CYP2A7: variants seen among roughly 807,000 people sequenced by gnomAD.
CYP2A7 encodes the protein cytochrome P450 2A7.
In CYP2A7, 36 loss-of-function variants were observed where a neutral mutation model predicts 42.0. That is an observed-to-expected ratio of 0.86 (90% CI 0.66 to 1.13). The LOEUF (loss-of-function observed/expected upper bound fraction) is 1.13, where lower values mean the gene tolerates loss of function less well. CYP2A7 is among the 50% of genes most tolerant of loss of function. The pLI is 0.00. For synonymous variants in CYP2A7, 260 were observed against 249.5 expected, an observed-to-expected ratio of 1.04 and a Z score of -0.40; for missense variants, 661 against 634.1, an observed-to-expected ratio of 1.04 and a Z score of -0.46.
In CYP2A7 at chr19:40,880,132, C is replaced by T. The variant is rs757240350; in HGVS notation, c.606G>A (p.Leu202=). Residue 202 remains leucine (L), a synonymous_variant, in exon 4 of 9, where the codon CTG becomes CTA. Coordinates refer to ENST00000301146, the MANE Select transcript of CYP2A7 (RefSeq NM_000764.3). ...ACTGGAAGATTCCTAGCATCATGCT[C>T]AGCAGTGACAGGAACTCTTTGTCCT... ...DYEDKEFLSL[L]SMMLGIFQFT... is the part of the protein sequence containing the mutation. 14 of 1,613,020 alleles carry T rather than the reference C, an allele frequency of 8.7e-6. No individual in the cohort carries two copies. The highest frequency in any genetic ancestry group is 3.3e-5 in the South Asian group (3 of 91,034).
At chr19:40,880,794 CGAGGGAGA>C (rs1967651590) in intron 2 of CYP2A7, among the ~76,000 whole-genome samples, 166 bp from the exon 3 acceptor site, 2 of 21,782 alleles carry the variant, frequency 9.2e-5, no homozygotes, top group African/African-American at 3.9e-4. Flanking sequence ...CAGAGAAACA[CGAGGGAGA>C]GAGAGAGAGA....
chr19:40,882,015 T>C lies in CYP2A7; in HGVS notation c.180+16A>G, dbSNP rs539556508. On this transcript the variant is annotated intron_variant, in intron 1 of 8. Transcript: ENST00000301146. ...AGCCCCCACCCTGTGCCACCCATCT[T>C]CCTGCCTTGGGACACCTTCATGATG... 1.1e-4 allele frequency: 178 copies of C among 1,607,582 alleles called. 1 individual carries two copies. The Admixed American group carries it at 2.7e-3, about 24-fold the overall frequency.
chr19:40,880,452 C>A, intron 3 of CYP2A7, 27 bp downstream of exon 3: 1 of 1,606,310 alleles, frequency 6.2e-7, no homozygotes, highest in South Asian at 1.1e-5. Flanking sequence ...CCTTCTCCTG[C>A]CCCCGCACTC....
chr19:40,878,981 G>C (rs774776666), intron 4 of CYP2A7, 45 bp from the exon 5 acceptor site: 1 of 1,573,626 alleles, frequency 6.4e-7, no homozygotes, highest in East Asian at 2.2e-5. Context: ...CAGCTGTCAC[G>C]GGGCAGGAGC....
rs371905883 is a variant in CYP2A7 at position 40,881,657 on chromosome 19, A to T, written c.275T>A (p.Val92Glu). 6.2e-7 allele frequency: 1 copy of T among 1,613,166 alleles called. No homozygotes were observed. The highest frequency in any genetic ancestry group is 8.5e-7 in the Non-Finnish European group (1 of 1,179,756). The change falls in exon 2 of 9, where the codon GTG (valine) becomes GAG (glutamate). Residue 92 changes from valine (V) to glutamate (E), a missense_variant. This residue lies in a region of CYP2A7 where 614 missense variants were observed against 552.4 expected (regional missense o/e 1.11). Coordinates refer to ENST00000301146, the MANE Select transcript of CYP2A7 (RefSeq NM_000764.3). ...CGHDAVREAL[V>E]DQAEEFSGRG... ...CCCGCTGAACTCCTCAGCCTGGTCC[A>T]CCAGAGCCTCCCTGACGGCATCATG...
chr19:40,876,452 G>A lies in CYP2A7; in HGVS notation c.1303+75C>T, dbSNP rs527352069. 5.8e-5 allele frequency: 93 copies of A among 1,605,514 alleles called. 1 individual carries two copies. The East Asian group carries it at 1.3e-3, about 23-fold the overall frequency. On this transcript the variant is annotated intron_variant, in intron 8 of 8. Transcript: ENST00000301146. ...AGCTGGAGAAATACCAGGCTACACC[G>A]CAGAGAGGGGAGGTGGGTGAGGGAG...
rs377764547 is a variant in CYP2A7, at chr19:40,880,645, G to C, written c.344-17C>G. 7 of 1,586,402 alleles carry C rather than the reference G, an allele frequency of 4.4e-6. No homozygotes were observed. In the South Asian group the frequency reaches 4.5e-5, roughly 10 times the overall value. ...ACGCCACGCCTGGGGAGGTCAAGGC[G>C]GGGGTGGAGAGAGGTCAGGGGGCGG... On this transcript the variant is annotated splice_polypyrimidine_tract_variant and intron_variant, in intron 2 of 8. Transcript: ENST00000301146.
chr19:40,876,455 G>C (rs2145144631), intron 8 of CYP2A7, 72 bp downstream of exon 8: 1 of 1,607,626 alleles, frequency 6.2e-7, no homozygotes, highest in East Asian at 2.2e-5. Context: ...CTACACCGCA[G>C]AGAGGGGAGG....
rs550188456 is a variant in CYP2A7, at chr19:40,878,586, C to T, written c.831+174G>A. Among the ~76,000 whole-genome samples, 172 of 151,882 alleles carry T rather than the reference C, an allele frequency of 1.1e-3. 1 individual carries two copies. The highest frequency in any genetic ancestry group is 2.9e-3 in the Admixed American group (44 of 15,246). ...CTGACCTCAGGTGATCCACCTGCCT[C>T]GGCCTCCCAAAGTGCTGGGATTACA... is the stretch of plus-strand genomic sequence containing the variant. On this transcript the variant is annotated intron_variant, in intron 5 of 8. Transcript: ENST00000301146.
chr19:40,877,432 G>T (rs1226899898), intron 6 of CYP2A7, 55 bp from the exon 7 acceptor site: 3 of 1,595,974 alleles, frequency 1.9e-6, no homozygotes, highest in African/African-American at 1.3e-5. Context: ...AGCAGGAAAT[G>T]ATAGTCTGAA....
rs772238060 is a variant in CYP2A7, at chr19:40,882,023, TG to T, written c.180+7del. The T allele has an allele frequency of 1.2e-6, 2 of 1,610,556 alleles. No homozygotes were observed. Among genetic ancestry groups the T allele is most frequent in the African/African-American group, 2.7e-5 (2 of 74,878 alleles). ...CCCTGTGCCACCCATCTTCCTGCCTTGGGACACCTTCATGATGGAGTCACAT... is the reference window on the plus strand; with the variant it reads ...CCCTGTGCCACCCATCTTCCTGCCTTGGACACCTTCATGATGGAGTCACAT... On this transcript the variant is annotated splice_region_variant and intron_variant, in intron 1 of 8. Transcript: ENST00000301146.
At chr19:40,878,535 A>C (rs1967587616) in intron 5 of CYP2A7, among the ~76,000 whole-genome samples, 1 of 151,786 alleles carries the variant, frequency 6.6e-6, no homozygotes, top group African/African-American at 2.4e-5. Flanking sequence ...GGGTTTGACC[A>C]TGTTGGCCAG....
At chr19:40,880,794 CGAGGGA>C (rs1967651532) in intron 2 of CYP2A7, among the ~76,000 whole-genome samples, 166 bp from the exon 3 acceptor site, 1 of 21,782 alleles carries the variant, frequency 4.6e-5, no homozygotes, top group African/African-American at 2.0e-4. Flanking sequence ...CAGAGAAACA[CGAGGGA>C]GAGAGAGAGA....
rs201461324 is a variant in CYP2A7, at chr19:40,876,500, G to A, written c.1303+27C>T. 475 of 1,612,332 alleles carry A rather than the reference G, an allele frequency of 2.9e-4. 14 individuals carry two copies. Among genetic ancestry groups the A allele is most frequent in the Non-Finnish European group, 2.2e-4 (260 of 1,178,838 alleles). ...GAGGCGCCTGCTGGTGTGAGCAGTG[G>A]CCTGGCAGCAAACAGTGGTCTCTTA... is the stretch of plus-strand genomic sequence containing the variant. On this transcript the variant is annotated intron_variant, in intron 8 of 8. Coordinates refer to ENST00000301146, the MANE Select transcript of CYP2A7 (RefSeq NM_000764.3).
In CYP2A7 at chr19:40,880,817, G is replaced by GAGAGAGAGAA. The variant is rs1967657874; in HGVS notation, c.344-190_344-189insTTCTCTCTCT. Among the ~76,000 whole-genome samples, 6 of 47,452 alleles carry GAGAGAGAGAA rather than the reference G, an allele frequency of 1.3e-4. 2 individuals are homozygous for GAGAGAGAGAA. Among genetic ancestry groups the GAGAGAGAGAA allele is most frequent in the African/African-American group, 4.5e-4 (6 of 13,210 alleles). The allele number at this position is 47,452 out of a possible 152,430, so 31.1% of individuals were successfully genotyped here. ...CACGAGGGAGAGAGAGAGAGAGAGA[G>GAGAGAGAGAA]AGAGAGAGAGAGAGAGAGAGAGAGA... On this transcript the variant is annotated intron_variant, in intron 2 of 8. Transcript: ENST00000301146.
At chr19:40,878,613 G>T in intron 5 of CYP2A7, 147 bp downstream of exon 5, 1 of 1,165,352 alleles carries the variant, frequency 8.6e-7, no homozygotes, top group South Asian at 1.6e-5. Context: ...GGGATTACAG[G>T]CTGTTAGCCA....
chr19:40,880,252 T>A lies in CYP2A7; in HGVS notation c.494-8A>T, dbSNP rs1350329041. 6.2e-7 allele frequency: 1 copy of A among 1,611,778 alleles called. No individual in the cohort carries two copies. Among genetic ancestry groups the A allele is most frequent in the Admixed American group, 1.7e-5 (1 of 59,802 alleles). ...TGGGATCGATATTGGCGCCTGCGGGTGTGGAGGGAGAAGGGGGTTGGGGAG... is the reference window on the plus strand; with the variant it reads ...TGGGATCGATATTGGCGCCTGCGGGAGTGGAGGGAGAAGGGGGTTGGGGAG... On this transcript the variant is annotated splice_polypyrimidine_tract_variant and splice_region_variant and intron_variant, in intron 3 of 8. Transcript: ENST00000301146.
rs1967715174 is a variant in CYP2A7, at chr19:40,882,215, G to A, written c.-5C>T. ...AAGCAGCCCTGAGGCCAGCATGGTG[G>A]TAGTGAGATGACAGATGGTGATGGG... On this transcript the variant is annotated 5_prime_UTR_variant, in exon 1 of 9. Transcript: ENST00000301146. The A allele has an allele frequency of 6.2e-7, 1 of 1,612,926 alleles. No individual in the cohort carries two copies. Among genetic ancestry groups the A allele is most frequent in the East Asian group, 2.2e-5 (1 of 44,866 alleles).
intron 6 of CYP2A7, 128 bp from the exon 7 acceptor site, chr19:40,877,505 G>A (rs1306016208): frequency 2.9e-6 from 4 of 1,396,158 alleles, no homozygotes; most frequent in Non-Finnish European, 3.9e-6. Flanking sequence ...ATTCATAACA[G>A]AACAGACATC....
Sources: gnomAD v4.1 joint callset for allele counts (sites outside exome capture counted in the v4.1 genomes callset) on GRCh38, gnomAD v4.1.1 for gene constraint, gnomAD v4.1.1 regional missense constraint, MANE v1.5 for transcripts, NCBI Gene and HGNC (gene_info 2026-07-23, HGNC 2026-07-21) for gene names.